Variants in ATF7IP2 observed in about 807,000 individuals in gnomAD.
The protein encoded by ATF7IP2 is activating transcription factor 7-interacting protein 2.
ATF7IP2 carries 42 observed loss-of-function variants against 64.2 expected under a neutral mutation model. The observed-to-expected ratio is 0.65, with a 90% CI of 0.51 to 0.85. The LOEUF (loss-of-function observed/expected upper bound fraction) is 0.85. Among genes scored for constraint, ATF7IP2 ranks in the 40% least tolerant of loss-of-function variants. ATF7IP2 has a pLI of 0.00. For missense variants in ATF7IP2, 933 were observed against 784.2 expected (o/e 1.19, Z -2.27); for synonymous variants, 308 against 272.8 (o/e 1.13, Z -1.27).
chr16:10,418,997 G>A (rs1293594138), intron 2 of ATF7IP2, among the ~76,000 whole-genome samples: 3 of 152,206 alleles, frequency 2.0e-5, no homozygotes, highest in African/African-American at 4.8e-5. Context: ...CCCCTTAGGG[G>A]ACCAATCAAT....
rs190782874 is a variant in ATF7IP2, at chr16:10,398,520, T to G, written c.-242+12398T>G. Reference sequence around the variant, plus strand: ...GAAGAGATACTTGCACTCACATGTTTATTGCAGCATTATTCACAGTAGATA... The same window carrying G: ...GAAGAGATACTTGCACTCACATGTTGATTGCAGCATTATTCACAGTAGATA... On this transcript the variant is annotated intron_variant, in intron 1 of 13. Coordinates refer to ENST00000562102, the MANE Select transcript of ATF7IP2 (RefSeq NM_001393719.1). 8.5e-5 allele frequency among the ~76,000 whole-genome samples: 13 copies of G among 152,336 alleles called. 1 individual carries two copies. In the East Asian group the frequency reaches 2.5e-3, roughly 29 times the overall value.
At chr16:10,461,157 C>A (rs1032269717) in intron 9 of ATF7IP2, among the ~76,000 whole-genome samples, 4 of 151,984 alleles carry the variant, frequency 2.6e-5, no homozygotes, top group South Asian at 2.1e-4. Context: ...CATTTCATAT[C>A]AGGTAAGGAA....
chr16:10,457,565 A>G (rs1023053450), intron 9 of ATF7IP2, 36 bp downstream of exon 9: 2 of 1,420,316 alleles, frequency 1.4e-6, no homozygotes, highest in African/African-American at 1.5e-5. Context: ...AATTTATCTA[A>G]ATCTATAATA....
chr16:10,433,362 A>G (rs916583305), intron 5 of ATF7IP2, among the ~76,000 whole-genome samples, 163 bp from the exon 6 acceptor site: 2 of 152,068 alleles, frequency 1.3e-5, no homozygotes, highest in African/African-American at 2.4e-5. Context: ...TTTTGTGGAG[A>G]TGAATTTTCA....
At chr16:10,475,771 G>T (rs1332007241) in intron 12 of ATF7IP2, among the ~76,000 whole-genome samples, 1 of 99,542 alleles carries the variant, frequency 1.0e-5, no homozygotes, top group African/African-American at 4.1e-5. Context: ...AAGACTAATA[G>T]AGAACAAAAG....
rs1423808858 is a variant in ATF7IP2, at chr16:10,429,946, G to T, written c.-10-665G>T. 3.3e-5 allele frequency among the ~76,000 whole-genome samples: 5 copies of T among 151,472 alleles called. No homozygotes were observed. In the East Asian group the frequency reaches 9.7e-4, roughly 29 times the overall value. On this transcript the variant is annotated intron_variant, in intron 4 of 13. Transcript: ENST00000562102. Reference sequence around the variant, plus strand: ...TGGCTCACTGCAACCTCCACCTCCCGGGTTCGAGTGATTCTTGTGCTTCAG... The same window carrying T: ...TGGCTCACTGCAACCTCCACCTCCCTGGTTCGAGTGATTCTTGTGCTTCAG...
chr16:10,394,096 G>C (rs1277776081), intron 1 of ATF7IP2, among the ~76,000 whole-genome samples: 2 of 152,182 alleles, frequency 1.3e-5, no homozygotes, highest in African/African-American at 4.8e-5. Context: ...AAATGGCAGA[G>C]ATTTTCATAC....
At chr16:10,474,626 G>A (rs1035497797) in intron 12 of ATF7IP2, among the ~76,000 whole-genome samples, 1 of 152,120 alleles carries the variant, frequency 6.6e-6, no homozygotes, top group Admixed American at 6.6e-5. Context: ...TGGGGCTGGG[G>A]ATCAGTTATA....
chr16:10,467,458 A>G (rs372134885), intron 9 of ATF7IP2, among the ~76,000 whole-genome samples: 6 of 152,334 alleles, frequency 3.9e-5, no homozygotes, highest in Middle Eastern at 6.8e-3. Flanking sequence ...CAGATTAGCA[A>G]TGAAAAATAC....
chr16:10,476,148 T>G (rs979479084), intron 12 of ATF7IP2, among the ~76,000 whole-genome samples: 1 of 152,248 alleles, frequency 6.6e-6, no homozygotes, highest in African/African-American at 2.4e-5. Context: ...ATTATAATTG[T>G]ACAAATCTGT....
rs1235125443 is a variant in ATF7IP2 at position 10,430,419 on chromosome 16, A to G, written c.-10-192A>G. The stretch of plus-strand genomic sequence containing the variant: ...TTGAATTTATGTAGTTTAGATTTAT[A>G]GAAACAATAGAAAAGATTTTTATGT... On this transcript the variant is annotated intron_variant, in intron 4 of 13. Coordinates refer to ENST00000562102, the MANE Select transcript of ATF7IP2 (RefSeq NM_001393719.1). Among the ~76,000 whole-genome samples the G allele has an allele frequency of 2.6e-5, 4 of 152,360 alleles. No homozygotes were observed. In the South Asian group the frequency reaches 6.2e-4, roughly 24 times the overall value.
chr16:10,425,532 T>G (rs956319839), intron 3 of ATF7IP2, among the ~76,000 whole-genome samples: 5 of 152,180 alleles, frequency 3.3e-5, no homozygotes, highest in African/African-American at 1.2e-4. Context: ...TGGATTAAAT[T>G]CTGTTGAAAG....
At chr16:10,450,760 C>A (rs2048959236) in intron 8 of ATF7IP2, among the ~76,000 whole-genome samples, 1 of 152,116 alleles carries the variant, frequency 6.6e-6, no homozygotes, top group South Asian at 2.1e-4. Context: ...GGTCTTGACT[C>A]TTTATCCAGT....
At chr16:10,424,124 A>G (rs2048039013) in intron 3 of ATF7IP2, among the ~76,000 whole-genome samples, 1 of 152,262 alleles carries the variant, frequency 6.6e-6, no homozygotes, top group Admixed American at 6.5e-5. Context: ...TTTAAGGCAC[A>G]GATCACTCAT....
chr16:10,464,548 A>C (rs1311048035), intron 9 of ATF7IP2, among the ~76,000 whole-genome samples: 1 of 152,228 alleles, frequency 6.6e-6, no homozygotes, highest in Non-Finnish European at 1.5e-5. Flanking sequence ...CATGACAAAA[A>C]TTAAACTTGC....
chr16:10,441,620 G>C (rs1348562483), intron 8 of ATF7IP2, among the ~76,000 whole-genome samples: 1 of 152,052 alleles, frequency 6.6e-6, no homozygotes, highest in Admixed American at 6.6e-5. Context: ...GTAAATTTAA[G>C]TTCTTTATAG....
At chr16:10,400,979 G>A (rs1596439617) in intron 1 of ATF7IP2, among the ~76,000 whole-genome samples, 1 of 152,032 alleles carries the variant, frequency 6.6e-6, no homozygotes, top group African/African-American at 2.4e-5. Flanking sequence ...TGGGAATATA[G>A]GTATGAGCCA....
Position 10,433,545 on chromosome 16 carries a change from A to T in ATF7IP2, c.856A>T (p.Met286Leu), listed in dbSNP as rs151108987. Residue 286 changes from methionine to leucine, a missense_variant, in exon 6 of 14, where the codon ATG (methionine) becomes TTG (leucine). Met to Leu is a conservative substitution (Grantham distance 15, BLOSUM62 2). Transcript: ENST00000562102. ...TCAAGGCCATTATCAAAAGAAGAGG[A>T]TGTTTTCAGAAAACGAGGAAAATGT... ...NNNSHYQKKR[M>L]FSENEENVKR... is the part of the protein sequence containing the mutation. 3.1e-6 allele frequency: 5 copies of T among 1,612,648 alleles called. No homozygotes were observed. The African/African-American group carries it at 4.0e-5, about 13-fold the overall frequency.
intron 1 of ATF7IP2, among the ~76,000 whole-genome samples, chr16:10,408,184 G>A (rs2047681743): frequency 6.6e-6 from 1 of 152,088 alleles, no homozygotes; most frequent in African/African-American, 2.4e-5. Flanking sequence ...TGCTGGGATT[G>A]CAGATGTGAG....
Sources: allele counts gnomAD v4.1 joint callset (sites outside exome capture counted in the v4.1 genomes callset), GRCh38; gene constraint gnomAD v4.1.1; transcripts MANE v1.5; gene names NCBI Gene and HGNC (gene_info 2026-07-23, HGNC 2026-07-21).